The following KRT86 variants were observed in gnomAD, a reference collection of about 807,000 sequenced individuals.
KRT86 encodes keratin, type II cuticular Hb6.
In KRT86, 30 loss-of-function variants were observed where a neutral mutation model predicts 41.2. That is an observed-to-expected ratio of 0.73 (90% CI 0.54 to 0.99). The LOEUF (loss-of-function observed/expected upper bound fraction) is 0.99, where lower values mean the gene tolerates loss of function less well. Among genes scored for constraint, KRT86 ranks in the 50% least tolerant of loss-of-function variants. The pLI is 0.00. For synonymous variants in KRT86, 238 were observed against 238.1 expected, an observed-to-expected ratio of 1.00 and a Z score of 0.00; for missense variants, 561 against 571.4, an observed-to-expected ratio of 0.98 and a Z score of 0.19.
At position 52,288,290 on chromosome 12, in the gene KRT86, G is replaced by A. The variant is rs558818478; in HGVS notation, c.-5+12344G>A. ...GGACTGCAACCTCTACCCACATCCT[G>A]TCCAACACTCCCACCCCCAACTCTC... On this transcript the variant is annotated intron_variant, in intron 2 of 10. Coordinates refer to ENST00000423955, the MANE Select transcript of KRT86 (RefSeq NM_001320198.2). The A allele has an allele frequency of 1.9e-6, 3 of 1,607,560 alleles. No homozygotes were observed. In the South Asian group the frequency reaches 3.3e-5, roughly 18 times the overall value.
At position 52,291,371 on chromosome 12, in the gene KRT86, T is replaced by C. The variant is rs772339270; in HGVS notation, c.-4-10542T>C. ...GCCGCGGTAGCAGGAGATGCCACGG[T>C]AGGGGGCGGCGGTGATGCAGCAGCG... On this transcript the variant is annotated intron_variant, in intron 2 of 10. Coordinates refer to ENST00000423955, the MANE Select transcript of KRT86 (RefSeq NM_001320198.2). 27 of 1,602,108 alleles carry C rather than the reference T, an allele frequency of 1.7e-5. No homozygotes were observed. In the South Asian group the frequency reaches 2.9e-4, roughly 17 times the overall value.
chr12:52,308,399 T>C lies in KRT86; in HGVS notation c.1280-5T>C. On this transcript the variant is annotated splice_polypyrimidine_tract_variant and splice_region_variant and intron_variant, in intron 10 of 10. Transcript: ENST00000423955. ...GACGCGCGCCTCCGTCTCTTTCCCC[T>C]GCAGGCGTCAGCAGCTCCCGCGGTG... 6.2e-7 allele frequency: 1 copy of C among 1,611,370 alleles called. No homozygotes were observed. The highest frequency in any genetic ancestry group is 8.5e-7 in the Non-Finnish European group (1 of 1,179,386).
intron 2 of KRT86, chr12:52,287,382 CAA>C (rs1937981877): frequency 6.3e-7 from 1 of 1,599,786 alleles, no homozygotes; most frequent in Admixed American, 1.7e-5. Flanking sequence ...GATGCTCATC[CAA>C]ATGAGACCAC....
chr12:52,275,018 G>A (rs756071338), intron 1 of KRT86: 1 of 152,188 alleles, frequency 6.6e-6, no homozygotes, highest in Non-Finnish European at 1.5e-5. Flanking sequence ...CTCAACTGTC[G>A]GCTGGCAGGG....
rs571295447 is a variant in KRT86, at chr12:52,305,223, G to A, written c.736-17G>A. Reference sequence around the variant, plus strand: ...GGCTGTGTTCTCAACTAAAGTCACTGCCCTCACCTCCTGCAGGAGATCCGC... The same window carrying A: ...GGCTGTGTTCTCAACTAAAGTCACTACCCTCACCTCCTGCAGGAGATCCGC... On this transcript the variant is annotated splice_polypyrimidine_tract_variant and intron_variant, in intron 6 of 10. Coordinates refer to ENST00000423955, the MANE Select transcript of KRT86 (RefSeq NM_001320198.2). 10 of 1,614,206 alleles carry A rather than the reference G, an allele frequency of 6.2e-6. No homozygotes were observed. Among genetic ancestry groups the A allele is most frequent in the Non-Finnish European group, 8.5e-6 (10 of 1,180,018 alleles).
At chr12:52,290,325 G>A in intron 2 of KRT86, 1 of 50,406 alleles carries the variant, frequency 2.0e-5, no homozygotes, top group Non-Finnish European at 3.6e-5. Context: ...GATGGTGTCT[G>A]GTGCCCCAAA....
chr12:52,285,929 A>G (rs924586709), intron 2 of KRT86: 6 of 408,978 alleles, frequency 1.5e-5, no homozygotes, highest in African/African-American at 1.2e-4. Context: ...ACATTAATTT[A>G]TTGAAACACA....
At chr12:52,306,024 G>T (rs1053173078) in intron 8 of KRT86, 36 bp from the exon 9 acceptor site, 2 of 1,612,094 alleles carry the variant, frequency 1.2e-6, no homozygotes, top group African/African-American at 1.3e-5. Flanking sequence ...GAGACCCAGG[G>T]ACTCTAATCT....
At chr12:52,308,380 C>A (rs754901526) in intron 10 of KRT86, 24 bp from the exon 11 acceptor site, 1 of 1,611,044 alleles carries the variant, frequency 6.2e-7, no homozygotes, top group African/African-American at 1.3e-5. Context: ...GCCTGACGCG[C>A]GCCTCCGTCT....
chr12:52,300,165 TAAG>T lies in KRT86; in HGVS notation c.-4-1745_-4-1743del, dbSNP rs1237824332. Among the ~76,000 whole-genome samples the T allele has an allele frequency of 3.3e-5, 5 of 152,356 alleles. No individual in the cohort carries two copies. The South Asian group carries it at 6.2e-4, about 19-fold the overall frequency. On this transcript the variant is annotated intron_variant, in intron 2 of 10. Transcript: ENST00000423955. ...TTCAACTTTTCTGCTGCAACTATAA[TAAG>T]AAATAATTTTACATGGTGACTGAGT...
intron 2 of KRT86, among the ~76,000 whole-genome samples, chr12:52,278,218 T>C (rs149015395): frequency 2.6e-5 from 4 of 152,032 alleles, no homozygotes. Flanking sequence ...CATATTGCAT[T>C]GATCACCTCC....
chr12:52,301,159 AAGAG>A (rs1220196340), intron 2 of KRT86, among the ~76,000 whole-genome samples: 7 of 150,684 alleles, frequency 4.6e-5, no homozygotes, highest in African/African-American at 1.7e-4. Context: ...GTGTATGTGA[AAGAG>A]AGAGGGGGGG....
Position 52,291,495 on chromosome 12 carries a change from AC to A in KRT86, c.-4-10417del, listed in dbSNP as rs778690347. 8 of 1,611,392 alleles carry A rather than the reference AC, an allele frequency of 5.0e-6. No homozygotes were observed. In the East Asian group the frequency reaches 1.8e-4, roughly 36 times the overall value. On this transcript the variant is annotated intron_variant, in intron 2 of 10. Transcript: ENST00000423955. Reference sequence around the variant, plus strand: ...CTCCTGGACGTTTGGGTTGCAGAGGACAGGATAGGGGACCTGGAGTCCTGAT... The same window carrying A: ...CTCCTGGACGTTTGGGTTGCAGAGGAAGGATAGGGGACCTGGAGTCCTGAT...
At position 52,302,003 on chromosome 12, in the gene KRT86, C is replaced by A. The variant is rs112261068; in HGVS notation, c.87C>A (p.Ala29=). The part of the protein sequence containing the change: ...GPRPGRCCIT[A]APYRGISCYR... ...GGCCCGGCCGCTGCTGCATCACCGC[C>A]GCCCCCTACCGTGGCATCTCCTGCT... Residue 29 remains alanine (A), a synonymous_variant, in exon 3 of 11, where the codon GCC becomes GCA. Transcript: ENST00000423955. 2 of 1,612,268 alleles carry A rather than the reference C, an allele frequency of 1.2e-6. No individual in the cohort carries two copies. Among genetic ancestry groups the A allele is most frequent in the Non-Finnish European group, 1.7e-6 (2 of 1,179,180 alleles).
At position 52,308,421 on chromosome 12, in the gene KRT86, G is replaced by A. The variant is rs769143368; in HGVS notation, c.1297G>A (p.Gly433Ser). Reference protein sequence around the residue: ...SVNVCVSSSRGGVVCGDLCAS... With the variant: ...SVNVCVSSSRSGVVCGDLCAS... Reference sequence around the variant, plus strand: ...CCCTGCAGGCGTCAGCAGCTCCCGCGGTGGCGTTGTCTGTGGCGATCTCTG... The same window carrying A: ...CCCTGCAGGCGTCAGCAGCTCCCGCAGTGGCGTTGTCTGTGGCGATCTCTG... Residue 433 changes from glycine (G) to serine (S), a missense_variant, in exon 11 of 11, where the codon GGT becomes AGT. This residue lies in a region of KRT86 where 397 missense variants were observed against 375.9 expected (regional missense o/e 1.06). Transcript: ENST00000423955. 15 of 1,611,546 alleles carry A rather than the reference G, an allele frequency of 9.3e-6. No individual in the cohort carries two copies. The highest frequency in any genetic ancestry group is 1.3e-5 in the African/African-American group (1 of 74,922).
At chr12:52,305,843 A>T (rs1350386034) in intron 8 of KRT86, 55 bp downstream of exon 8, 1 of 1,613,744 alleles carries the variant, frequency 6.2e-7, no homozygotes, top group African/African-American at 1.3e-5. Flanking sequence ...CCATGGTCAC[A>T]CAGCCTATGT....
intron 2 of KRT86, chr12:52,286,762 T>A (rs756945756): frequency 1.2e-6 from 2 of 1,610,558 alleles, no homozygotes; most frequent in Non-Finnish European, 1.7e-6. Flanking sequence ...AGTTAGTAAA[T>A]CTGTCCACAC....
intron 2 of KRT86, among the ~76,000 whole-genome samples, chr12:52,300,403 G>A (rs116318657): frequency 0.014 from 2,208 of 152,282 alleles, 63 homozygotes; most frequent in African/African-American, 0.05. Flanking sequence ...TGAGCCCACC[G>A]CTTCCTAATG....
At position 52,301,377 on chromosome 12, in the gene KRT86, C is replaced by T. The variant is rs184685003; in HGVS notation, c.-4-536C>T. On this transcript the variant is annotated intron_variant, in intron 2 of 10. Transcript: ENST00000423955. Reference sequence around the variant, plus strand: ...CTGTAAACGTGGGTCTTTTGGGGTGCAGAAACAGGTCATCTAGTTCGGAGA... The same window carrying T: ...CTGTAAACGTGGGTCTTTTGGGGTGTAGAAACAGGTCATCTAGTTCGGAGA... Among the ~76,000 whole-genome samples the T allele has an allele frequency of 4.6e-3, 701 of 152,168 alleles. 2 individuals carry two copies. The highest frequency in any genetic ancestry group is 6.4e-3 in the Non-Finnish European group (438 of 68,002).
Sources: allele counts gnomAD v4.1 joint callset (sites outside exome capture counted in the v4.1 genomes callset), GRCh38; gene constraint gnomAD v4.1.1; regional missense constraint gnomAD v4.1.1; transcripts MANE v1.5; gene names NCBI Gene and HGNC (gene_info 2026-07-23, HGNC 2026-07-21).